Variants in ARHGAP10 observed in about 807,000 individuals in gnomAD.
ARHGAP10 encodes rho GTPase-activating protein 10.
In ARHGAP10, 87 loss-of-function variants were observed where a neutral mutation model predicts 108.6. The ratio of observed to expected loss-of-function variants is 0.80; its 90% confidence interval spans 0.67 to 0.96. The LOEUF is 0.96. Among genes scored for constraint, ARHGAP10 ranks in the 40% least tolerant of loss-of-function variants. The pLI is 0.00. For missense variants in ARHGAP10, 939 were observed against 954.5 expected, an observed-to-expected ratio of 0.98 and a Z score of 0.21; for synonymous variants, 347 against 341.1, an observed-to-expected ratio of 1.02 and a Z score of -0.19.
intron 12 of ARHGAP10, among the ~76,000 whole-genome samples, chr4:147,911,596 TC>T (rs1736737622): frequency 6.6e-6 from 1 of 151,856 alleles, no homozygotes; most frequent in South Asian, 2.1e-4. Context: ...TCTCCTGACT[TC>T]GTGATCCGCC....
At chr4:147,844,310 G>T (rs190186682) in intron 3 of ARHGAP10, among the ~76,000 whole-genome samples, 6 of 152,208 alleles carry the variant, frequency 3.9e-5, no homozygotes, top group Admixed American at 3.9e-4. Flanking sequence ...GTATCCATCC[G>T]TTCAAGCATT....
intron 1 of ARHGAP10, among the ~76,000 whole-genome samples, chr4:147,775,346 C>G (rs1730241244): frequency 6.6e-6 from 1 of 152,204 alleles, no homozygotes; most frequent in Non-Finnish European, 1.5e-5. Context: ...CTGTTCTGCC[C>G]TAGGCTGAGG....
chr4:148,013,687 C>CA (rs998908947), intron 18 of ARHGAP10, among the ~76,000 whole-genome samples: 7 of 151,130 alleles, frequency 4.6e-5, no homozygotes, highest in African/African-American at 1.7e-4. Context: ...GACTCCATCT[C>CA]AAAAAAAAGG....
chr4:147,825,379 G>A (rs999395518), intron 3 of ARHGAP10, among the ~76,000 whole-genome samples: 10 of 152,160 alleles, frequency 6.6e-5, no homozygotes, highest in East Asian at 5.8e-4. Flanking sequence ...CCCGGGAGGC[G>A]GAGGTTGCAG....
chr4:147,736,172 A>T (rs1262471510), intron 1 of ARHGAP10, among the ~76,000 whole-genome samples: 3 of 151,218 alleles, frequency 2.0e-5, no homozygotes, highest in African/African-American at 7.3e-5. Context: ...AGGGGCCCTC[A>T]TTAATGAGTC....
chr4:147,744,826 A>G (rs541475944), intron 1 of ARHGAP10, among the ~76,000 whole-genome samples: 1 of 151,882 alleles, frequency 6.6e-6, no homozygotes, highest in Non-Finnish European at 1.5e-5. Flanking sequence ...ATGGGTGTGT[A>G]TTTCAGGAAT....
At chr4:147,924,260 C>A (rs1737363854) in intron 13 of ARHGAP10, among the ~76,000 whole-genome samples, 1 of 152,156 alleles carries the variant, frequency 6.6e-6, no homozygotes, top group Non-Finnish European at 1.5e-5. Context: ...AACCCCGAGT[C>A]CTTGCCTTTA....
At chr4:147,874,191 T>C (rs1734965230) in intron 7 of ARHGAP10, among the ~76,000 whole-genome samples, 1 of 152,196 alleles carries the variant, frequency 6.6e-6, no homozygotes, top group African/African-American at 2.4e-5. Flanking sequence ...GAAATTTCAA[T>C]AATAATTTTC....
In ARHGAP10 at chr4:147,877,819, C is replaced by CTT. The variant is rs549355620; in HGVS notation, c.833-1399_833-1398dup. Among the ~76,000 whole-genome samples the CTT allele has an allele frequency of 2.5e-4, 33 of 131,464 alleles. 1 individual carries two copies. Among genetic ancestry groups the CTT allele is most frequent in the African/African-American group, 3.1e-4 (10 of 31,808 alleles). 86.2% of individuals were successfully genotyped at this position (131,464 alleles called of 152,430 possible). The stretch of plus-strand genomic sequence containing the variant: ...AGTCTTAGATTTCTTATTCTTCATA[C>CTT]TTTTTTTTTTTTTTTGCTGAGATTA... On this transcript the variant is annotated intron_variant, in intron 8 of 22. Coordinates refer to ENST00000336498, the MANE Select transcript of ARHGAP10 (RefSeq NM_024605.4).
intron 7 of ARHGAP10, 27 bp from the exon 8 acceptor site, chr4:147,874,994 T>A (rs1014302106): frequency 1.3e-6 from 2 of 1,549,042 alleles, no homozygotes; most frequent in Non-Finnish European, 1.7e-6. Context: ...AACTTAACAT[T>A]TATGTGTGTT....
intron 1 of ARHGAP10, among the ~76,000 whole-genome samples, chr4:147,799,077 C>T (rs1266847786): frequency 1.3e-5 from 2 of 151,746 alleles, no homozygotes; most frequent in African/African-American, 4.9e-5. Flanking sequence ...CTCTGTCACC[C>T]AGGCTGGAAT....
intron 20 of ARHGAP10, among the ~76,000 whole-genome samples, chr4:148,050,196 T>G (rs568549646): frequency 6.6e-6 from 1 of 151,940 alleles, no homozygotes; most frequent in African/African-American, 2.4e-5. Context: ...GAATTAGATC[T>G]TATATTCTTT....
intron 4 of ARHGAP10, among the ~76,000 whole-genome samples, chr4:147,849,286 C>T (rs1232101571): frequency 6.7e-6 from 1 of 149,860 alleles, no homozygotes; most frequent in Non-Finnish European, 1.5e-5. Context: ...TGCCTTAATA[C>T]ATAAAGTATC....
intron 13 of ARHGAP10, 142 bp downstream of exon 13, chr4:147,913,281 T>A: frequency 1.4e-6 from 1 of 724,554 alleles, no homozygotes; most frequent in South Asian, 1.9e-5. Flanking sequence ...GAAGGATCAG[T>A]TATTCATTTA....
At position 147,881,770 on chromosome 4, in the gene ARHGAP10, A is replaced by G. The variant is rs760986574; in HGVS notation, c.940-68A>G. Reference sequence around the variant, plus strand: ...GAACCTTGCTCCCCTGCTCTCCAGTATAGAATGGCTGAGTGTGTATATACT... The same window carrying G: ...GAACCTTGCTCCCCTGCTCTCCAGTGTAGAATGGCTGAGTGTGTATATACT... On this transcript the variant is annotated intron_variant, in intron 9 of 22. Coordinates refer to ENST00000336498, the MANE Select transcript of ARHGAP10 (RefSeq NM_024605.4). 10 of 1,437,274 alleles carry G rather than the reference A, an allele frequency of 7.0e-6. 1 individual carries two copies. The Admixed American group carries it at 1.6e-4, about 23-fold the overall frequency. The allele number at this position is 1,437,274 out of a possible 1,614,324, so 89.0% of individuals were successfully genotyped here.
chr4:147,999,390 T>C (rs1036670297), intron 18 of ARHGAP10, among the ~76,000 whole-genome samples: 12 of 152,208 alleles, frequency 7.9e-5, no homozygotes, highest in African/African-American at 2.9e-4. Context: ...CTACACACTC[T>C]TCTGGTCCGT....
chr4:147,992,624 T>G (rs1371726559), intron 18 of ARHGAP10, among the ~76,000 whole-genome samples: 1 of 152,130 alleles, frequency 6.6e-6, no homozygotes, highest in Non-Finnish European at 1.5e-5. Context: ...CAGGCTGGTC[T>G]TGAACTCCTG....
chr4:147,803,116 C>G (rs1168737077), intron 1 of ARHGAP10, among the ~76,000 whole-genome samples: 3 of 152,030 alleles, frequency 2.0e-5, no homozygotes, highest in Admixed American at 1.3e-4. Flanking sequence ...TCAAGCGATG[C>G]TCATGCCTCA....
intron 18 of ARHGAP10, among the ~76,000 whole-genome samples, chr4:148,003,893 T>TCTAA (rs139127657): frequency 0.03 from 3,685 of 121,226 alleles, 271 homozygotes; most frequent in African/African-American, 0.093. Context: ...TTTATCTGAG[T>TCTAA]GTAAGCCTAA....
Sources: gnomAD v4.1 joint callset for allele counts (sites outside exome capture counted in the v4.1 genomes callset) on GRCh38, gnomAD v4.1.1 for gene constraint, MANE v1.5 for transcripts, NCBI Gene and HGNC (gene_info 2026-07-23, HGNC 2026-07-21) for gene names.